Variants in NXPH1 observed in about 807,000 individuals in gnomAD.
NXPH1 encodes neurexophilin-1.
NXPH1 carries 5 observed loss-of-function variants against 23.7 expected under a neutral mutation model. The ratio of observed to expected loss-of-function variants is 0.21; its 90% CI spans 0.11 to 0.44. NXPH1 has a LOEUF of 0.44. NXPH1 is among the 20% of genes least tolerant of loss of function. The pLI is 0.99. For missense variants in NXPH1, 324 were observed against 321.6 expected (o/e 1.01, Z -0.06); for synonymous variants, 144 against 122.2 (o/e 1.18, Z -1.18).
chr7:8,537,291 C>T (rs1194523049), intron 2 of NXPH1, among the ~76,000 whole-genome samples: 1 of 151,888 alleles, frequency 6.6e-6, no homozygotes, highest in Non-Finnish European at 1.5e-5. Flanking sequence ...TTAACAGAAG[C>T]ACTGTATTAA....
intron 2 of NXPH1, among the ~76,000 whole-genome samples, chr7:8,443,026 G>T (rs893195657): frequency 6.6e-6 from 1 of 152,236 alleles, no homozygotes; most frequent in Non-Finnish European, 1.5e-5. Context: ...GCCAGCAGTA[G>T]GGCCTGCCTC....
At chr7:8,681,784 C>T (rs1821053470) in intron 2 of NXPH1, among the ~76,000 whole-genome samples, 1 of 152,176 alleles carries the variant, frequency 6.6e-6, no homozygotes, top group Non-Finnish European at 1.5e-5. Flanking sequence ...CAGGCTGCAT[C>T]TGAGATGATT....
intron 2 of NXPH1, among the ~76,000 whole-genome samples, chr7:8,662,632 T>G (rs554166034): frequency 6.6e-6 from 1 of 152,176 alleles, no homozygotes; most frequent in Admixed American, 6.6e-5. Flanking sequence ...GTTATTGCAT[T>G]ACCTTTATGC....
intron 2 of NXPH1, among the ~76,000 whole-genome samples, chr7:8,539,033 A>T (rs1818070444): frequency 6.6e-6 from 1 of 151,934 alleles, no homozygotes; most frequent in Non-Finnish European, 1.5e-5. Flanking sequence ...AGTAAAAGAA[A>T]TGTCATCATT....
At chr7:8,568,583 T>C (rs1818588640) in intron 2 of NXPH1, among the ~76,000 whole-genome samples, 1 of 150,738 alleles carries the variant, frequency 6.6e-6, no homozygotes, top group Admixed American at 6.6e-5. Context: ...CTTGATGCTT[T>C]GATCAAGCAA....
intron 2 of NXPH1, among the ~76,000 whole-genome samples, chr7:8,526,337 C>T (rs1339260472): frequency 6.6e-6 from 1 of 152,168 alleles, no homozygotes; most frequent in Admixed American, 6.5e-5. Flanking sequence ...AACTAGCTTG[C>T]TTTTCATTTT....
chr7:8,506,508 A>T (rs1316200047), intron 2 of NXPH1, among the ~76,000 whole-genome samples: 2 of 152,090 alleles, frequency 1.3e-5, no homozygotes, highest in African/African-American at 4.8e-5. Flanking sequence ...TTGGTTGCTT[A>T]CTTGCTGGTC....
At chr7:8,484,765 A>G (rs1001646643) in intron 2 of NXPH1, among the ~76,000 whole-genome samples, 3 of 152,190 alleles carry the variant, frequency 2.0e-5, no homozygotes, top group African/African-American at 7.2e-5. Flanking sequence ...AAATAGTGGT[A>G]TCCTTTCTTT....
intron 2 of NXPH1, among the ~76,000 whole-genome samples, chr7:8,441,392 G>T (rs1816296066): frequency 6.6e-6 from 1 of 152,064 alleles, no homozygotes; most frequent in Admixed American, 6.5e-5. Context: ...CCGGAGCTTG[G>T]TAAACACAGC....
chr7:8,594,586 G>C (rs1239877112), intron 2 of NXPH1, among the ~76,000 whole-genome samples: 1 of 151,944 alleles, frequency 6.6e-6, no homozygotes, highest in African/African-American at 2.4e-5. Context: ...AATAAATTAA[G>C]TGAGGAGGTT....
chr7:8,513,520 A>G (rs1817642762), intron 2 of NXPH1, among the ~76,000 whole-genome samples: 1 of 152,130 alleles, frequency 6.6e-6, no homozygotes, highest in East Asian at 1.9e-4. Flanking sequence ...TACTTAATAG[A>G]TGCTACATGC....
intron 2 of NXPH1, among the ~76,000 whole-genome samples, chr7:8,692,623 C>T (rs960180659): frequency 6.6e-6 from 1 of 152,176 alleles, no homozygotes; most frequent in Non-Finnish European, 1.5e-5. Context: ...TGCTACTCAA[C>T]CTTTCTCATA....
intron 2 of NXPH1, among the ~76,000 whole-genome samples, chr7:8,518,784 G>C (rs1032808864): frequency 6.6e-6 from 1 of 152,146 alleles, no homozygotes; most frequent in South Asian, 2.1e-4. Flanking sequence ...CTGCACCCAA[G>C]TAGCTCTTTC....
At chr7:8,734,763 C>T (rs905892811) in intron 2 of NXPH1, among the ~76,000 whole-genome samples, 3 of 152,106 alleles carry the variant, frequency 2.0e-5, no homozygotes, top group Non-Finnish European at 2.9e-5. Context: ...TTTTCTGTCT[C>T]ATTGATCTGT....
intron 2 of NXPH1, among the ~76,000 whole-genome samples, chr7:8,738,385 T>G (rs569006990): frequency 2.0e-4 from 31 of 152,358 alleles, no homozygotes; most frequent in Non-Finnish European, 3.4e-4. Flanking sequence ...GACCCTCTGC[T>G]GCAGGTCTGT....
At chr7:8,477,322 G>T (rs984263493) in intron 2 of NXPH1, among the ~76,000 whole-genome samples, 2 of 151,626 alleles carry the variant, frequency 1.3e-5, no homozygotes, top group African/African-American at 4.9e-5. Context: ...ATCCCCTGCT[G>T]TTCCGGAGCT....
chr7:8,550,432 T>C (rs373584036), intron 2 of NXPH1, among the ~76,000 whole-genome samples: 5 of 151,584 alleles, frequency 3.3e-5, no homozygotes, highest in African/African-American at 1.2e-4. Flanking sequence ...TCCACTGTTA[T>C]AGAGTGAGCC....
At chr7:8,714,378 T>C (rs1467371677) in intron 2 of NXPH1, among the ~76,000 whole-genome samples, 1 of 151,954 alleles carries the variant, frequency 6.6e-6, no homozygotes, top group African/African-American at 2.4e-5. Context: ...AGAGATGCCA[T>C]TCAAGAGCCA....
chr7:8,510,522 A>G (rs776860558), intron 2 of NXPH1, among the ~76,000 whole-genome samples: 3 of 152,056 alleles, frequency 2.0e-5, no homozygotes, highest in Non-Finnish European at 4.4e-5. Flanking sequence ...CCACTAACAT[A>G]TAGGGCCACA....
Sources: gnomAD v4.1 joint callset for allele counts (sites outside exome capture counted in the v4.1 genomes callset) on GRCh38, gnomAD v4.1.1 for gene constraint, MANE v1.5 for transcripts, NCBI Gene and HGNC (gene_info 2026-07-23, HGNC 2026-07-21) for gene names.